FMN1: variants seen among roughly 807,000 people sequenced by gnomAD.
FMN1 encodes the protein formin-1.
Under a neutral mutation model 132.4 loss-of-function variants are expected in FMN1, and 110 were observed. That is an observed-to-expected ratio of 0.83 (90% CI 0.71 to 0.97). The LOEUF (loss-of-function observed/expected upper bound fraction) is 0.97, where lower values mean the gene tolerates loss of function less well. Among genes scored for constraint, FMN1 ranks in the 50% least tolerant of loss-of-function variants. The pLI, the probability that FMN1 is intolerant of heterozygous loss-of-function variation, is 0.00. For synonymous variants in FMN1, 722 were observed against 651.7 expected, an observed-to-expected ratio of 1.11 and a Z score of -1.64; for missense variants, 1,792 against 1,705.3, an observed-to-expected ratio of 1.05 and a Z score of -0.90.
At chr15:33,060,856 A>G (rs915982265) in intron 6 of FMN1, among the ~76,000 whole-genome samples, 6 of 152,210 alleles carry the variant, frequency 3.9e-5, no homozygotes, top group Non-Finnish European at 8.8e-5. Flanking sequence ...AGTTCCCTAA[A>G]TGTTATCATT....
Position 32,798,901 on chromosome 15 carries a change from C to A in FMN1, c.4033G>T (p.Glu1345Ter). The A allele has an allele frequency of 6.2e-7, 1 of 1,613,590 alleles. No homozygotes were observed. Among genetic ancestry groups the A allele is most frequent in the Non-Finnish European group, 8.5e-7 (1 of 1,179,670 alleles). The change falls in exon 19 of 21, where the codon GAG (glutamate) becomes TAG (stop). Residue 1345 changes from glutamate (E) to a stop codon, truncating the protein, a stop_gained. Transcript: ENST00000616417. LOFTEE classifies it high-confidence loss of function. ...ATAAACACGTAGCTGGGTGTGATCT[C>A]CTTCTCACCAGACTTTGGCTTCATC... ...FGMKPKSGEK[E>*]ITPSYVFMVW... is the part of the protein sequence containing the mutation.
chr15:32,958,845 T>C (rs1301555700), intron 9 of FMN1, among the ~76,000 whole-genome samples: 1 of 152,000 alleles, frequency 6.6e-6, no homozygotes, highest in Non-Finnish European at 1.5e-5. Flanking sequence ...AGTTTGAGAC[T>C]GGCCTGGACA....
intron 17 of FMN1, among the ~76,000 whole-genome samples, chr15:32,847,792 G>A (rs1049334462): frequency 3.3e-5 from 5 of 152,060 alleles, no homozygotes; most frequent in African/African-American, 1.2e-4. Flanking sequence ...GAGGCGGAGC[G>A]TGCAGTGAGC....
chr15:32,940,524 G>C (rs1186222491), intron 9 of FMN1, among the ~76,000 whole-genome samples: 19 of 151,894 alleles, frequency 1.3e-4, no homozygotes, highest in Admixed American at 1.2e-3. Context: ...TAACTTAAAA[G>C]AGTTTGTAAT....
chr15:32,774,045 G>A lies in FMN1; in HGVS notation c.*265C>T. On this transcript the variant is annotated 3_prime_UTR_variant, in exon 21 of 21. Coordinates refer to ENST00000616417, the MANE Select transcript of FMN1 (RefSeq NM_001277313.2). ...CATTTTGGTATTTCTTCTGCTCTTA[G>A]AGTGGACTTTGGGCTTCCACAAGAA... 1 of 479,630 alleles carries A rather than the reference G, an allele frequency of 2.1e-6. No homozygotes were observed. The highest frequency in any genetic ancestry group is 3.2e-5 in the South Asian group (1 of 31,680). The allele number at this position is 479,630 out of a possible 1,614,324, so 29.7% of individuals were successfully genotyped here.
chr15:32,976,338 G>A (rs2032202418), intron 7 of FMN1, among the ~76,000 whole-genome samples: 2 of 152,150 alleles, frequency 1.3e-5, no homozygotes, highest in Admixed American at 1.3e-4. Context: ...GAAGGAATGG[G>A]ATTCAGTTCT....
chr15:32,958,469 A>C (rs67543125), intron 9 of FMN1, among the ~76,000 whole-genome samples: 6,217 of 152,202 alleles, frequency 0.041, 144 homozygotes, highest in East Asian at 0.1. Flanking sequence ...TATGAGAGAA[A>C]TAAGATGATG....
intron 6 of FMN1, among the ~76,000 whole-genome samples, chr15:33,024,538 G>A (rs1292699604): frequency 1.3e-5 from 2 of 152,210 alleles, no homozygotes; most frequent in African/African-American, 2.4e-5. Context: ...GAGCCACCAC[G>A]CCTGGCCCAG....
At chr15:32,870,124 T>C (rs1268557395) in intron 16 of FMN1, among the ~76,000 whole-genome samples, 1 of 152,204 alleles carries the variant, frequency 6.6e-6, no homozygotes, top group Non-Finnish European at 1.5e-5. Flanking sequence ...ATTTAGTTCT[T>C]ATCTGCCTGG....
At chr15:32,947,156 T>G (rs1233644340) in intron 9 of FMN1, among the ~76,000 whole-genome samples, 1 of 152,162 alleles carries the variant, frequency 6.6e-6, no homozygotes, top group African/African-American at 2.4e-5. Flanking sequence ...AATTATTAAA[T>G]GTTTCCTTTC....
intron 4 of FMN1, among the ~76,000 whole-genome samples, chr15:33,094,134 T>TTA (rs2038996310): frequency 6.6e-6 from 1 of 152,320 alleles, no homozygotes; most frequent in South Asian, 2.1e-4. Context: ...GTACAGGGCT[T>TTA]TAACATGTGG....
chr15:33,032,423 T>A (rs1490475598), intron 6 of FMN1, among the ~76,000 whole-genome samples: 1 of 152,236 alleles, frequency 6.6e-6, no homozygotes, highest in Admixed American at 6.5e-5. Flanking sequence ...AATCTTGTAA[T>A]ACTCCATAGT....
Position 33,012,698 on chromosome 15 carries a change from G to A in FMN1, c.2162-4623C>T, listed in dbSNP as rs565157832. The A allele has an allele frequency of 6.7e-5, 53 of 795,228 alleles. No homozygotes were observed. The African/African-American group carries it at 7.4e-4, about 11-fold the overall frequency. The allele number at this position is 795,228 out of a possible 1,614,324, so 49.3% of individuals were successfully genotyped here. A position where few individuals can be genotyped will look rare whatever the true frequency, so the allele number is the denominator to read the frequency against. On this transcript the variant is annotated intron_variant, in intron 6 of 20. Transcript: ENST00000616417. ...GCTAGTGCTTCATCCAGCCAAAGAG[G>A]ACATAGTAGTTCTGGAAACTTTCGT...
At chr15:33,127,834 A>T (rs1963246135) in intron 4 of FMN1, among the ~76,000 whole-genome samples, 1 of 152,204 alleles carries the variant, frequency 6.6e-6, no homozygotes, top group African/African-American at 2.4e-5. Context: ...CTCCCTGAAA[A>T]ATTCTGTTGG....
At chr15:33,018,176 G>A (rs985002240) in intron 6 of FMN1, among the ~76,000 whole-genome samples, 1 of 152,154 alleles carries the variant, frequency 6.6e-6, no homozygotes, top group African/African-American at 2.4e-5. Flanking sequence ...GAGCCCTTGT[G>A]CATGAGATTA....
intron 16 of FMN1, among the ~76,000 whole-genome samples, chr15:32,883,529 A>G (rs1310883531): frequency 1.3e-5 from 2 of 148,886 alleles, no homozygotes; most frequent in African/African-American, 4.9e-5. Flanking sequence ...AAAAAAAAAA[A>G]AAAAAAAAAA....
At chr15:33,028,039 T>G (rs1337561540) in intron 6 of FMN1, among the ~76,000 whole-genome samples, 3 of 152,210 alleles carry the variant, frequency 2.0e-5, no homozygotes, top group East Asian at 1.9e-4. Context: ...GCCAGCCTAT[T>G]TAATCCCTAC....
intron 16 of FMN1, among the ~76,000 whole-genome samples, chr15:32,865,836 C>CAAAAAAAAA (rs59592154): frequency 9.3e-6 from 1 of 107,138 alleles, no homozygotes; most frequent in Non-Finnish European, 2.1e-5. Context: ...AACTCCACCT[C>CAAAAAAAAA]AAAAAAAAAA....
intron 7 of FMN1, among the ~76,000 whole-genome samples, chr15:32,987,247 G>C (rs1243245000): frequency 6.6e-6 from 1 of 152,112 alleles, no homozygotes; most frequent in Non-Finnish European, 1.5e-5. Flanking sequence ...GAAACCACAT[G>C]ACCGCTGTAG....
Sources: gnomAD v4.1 joint callset for allele counts (sites outside exome capture counted in the v4.1 genomes callset) on GRCh38, gnomAD v4.1.1 for gene constraint, MANE v1.5 for transcripts, NCBI Gene and HGNC (gene_info 2026-07-23, HGNC 2026-07-21) for gene names.